DTNA: variants seen among roughly 807,000 people sequenced by gnomAD.
DTNA encodes dystrophin-related protein 3.
In DTNA, 43 loss-of-function variants were observed where a neutral mutation model predicts 100.7. The ratio of observed to expected loss-of-function variants is 0.43; its 90% CI spans 0.33 to 0.55. The LOEUF (loss-of-function observed/expected upper bound fraction) is 0.55. Ranked by LOEUF, DTNA falls within the 20% of genes least tolerant of loss-of-function variation. The pLI is 0.04. For missense variants in DTNA, 798 were observed against 953.9 expected (o/e 0.84, Z 2.15); for synonymous variants, 349 against 347.9 (o/e 1.00, Z -0.04).
chr18:34,678,574 T>C (rs563408924), intron 1 of DTNA, among the ~76,000 whole-genome samples: 2 of 152,242 alleles, frequency 1.3e-5, no homozygotes, highest in Middle Eastern at 3.4e-3. Flanking sequence ...TTTTTGCTGC[T>C]TCAAGCCATC....
At chr18:34,803,761 T>C (rs1255722313) in intron 4 of DTNA, among the ~76,000 whole-genome samples, 2 of 152,208 alleles carry the variant, frequency 1.3e-5, no homozygotes, top group African/African-American at 4.8e-5. Context: ...GGAATGCTTT[T>C]GAATAGGCTG....
chr18:34,890,226 G>C lies in DTNA; in HGVS notation c.*2492G>C, dbSNP rs969714372. ...ATGGTTGTTGATATCGTCATATAAA[G>C]CCATTGCAAGGACTCTGGAAACTGC... On this transcript the variant is annotated 3_prime_UTR_variant, in exon 23 of 23. Coordinates refer to ENST00000444659, the MANE Select transcript of DTNA (RefSeq NM_001386795.1). 6 of 1,486,392 alleles carry C rather than the reference G, an allele frequency of 4.0e-6. No homozygotes were observed. In the South Asian group the frequency reaches 5.4e-5, roughly 13 times the overall value. The allele number at this position is 1,486,392 out of a possible 1,614,324, so 92.1% of individuals were successfully genotyped here. A position where few individuals can be genotyped will look rare whatever the true frequency, so the allele number is the denominator to read the frequency against.
At chr18:34,755,938 G>T (rs370077948) in intron 1 of DTNA, 38 bp from the exon 2 acceptor site, 11 of 1,573,576 alleles carry the variant, frequency 7.0e-6, no homozygotes, top group Non-Finnish European at 9.6e-6. Context: ...CCTCAATAGC[G>T]TGAGGATAAT....
rs75982912 is a variant in DTNA, at chr18:34,638,079, T to A, written c.-1-117897T>A. ...TGATTACTACGTAGCCTCCTTTAGCTAGAAATTAAATGAAGTAATGGATAC... is the reference window on the plus strand; with the variant it reads ...TGATTACTACGTAGCCTCCTTTAGCAAGAAATTAAATGAAGTAATGGATAC... On this transcript the variant is annotated intron_variant, in intron 1 of 19. Coordinates refer to the DTNA transcript ENST00000283365. Among the ~76,000 whole-genome samples the A allele has an allele frequency of 5.0e-3, 760 of 152,320 alleles. 6 individuals are homozygous for A. Among genetic ancestry groups the A allele is most frequent in the African/African-American group, 0.017 (724 of 41,576 alleles).
intron 1 of DTNA, among the ~76,000 whole-genome samples, chr18:34,528,929 T>C (rs2042894934): frequency 6.6e-6 from 1 of 152,086 alleles, no homozygotes; most frequent in South Asian, 2.1e-4. Context: ...AGGTTGTAAA[T>C]GTTACAGATT....
intron 1 of DTNA, among the ~76,000 whole-genome samples, chr18:34,645,912 C>A (rs1177210179): frequency 6.6e-6 from 1 of 152,114 alleles, no homozygotes; most frequent in Non-Finnish European, 1.5e-5. Context: ...TCTCCATCAC[C>A]TATTCTCCTA....
chr18:34,610,186 A>G (rs1197334082), intron 1 of DTNA, among the ~76,000 whole-genome samples: 1 of 152,196 alleles, frequency 6.6e-6, no homozygotes, highest in Non-Finnish European at 1.5e-5. Context: ...AGTTTGTCCT[A>G]TTCTTACAAC....
chr18:34,501,995 A>G (rs550951265), intron 1 of DTNA, among the ~76,000 whole-genome samples: 11 of 152,228 alleles, frequency 7.2e-5, no homozygotes, highest in African/African-American at 1.2e-4. Flanking sequence ...TAAAAGTCCT[A>G]TCTCTAATAG....
intron 1 of DTNA, among the ~76,000 whole-genome samples, chr18:34,605,011 G>GTT (rs146975151): frequency 3.3e-5 from 5 of 150,236 alleles, no homozygotes; most frequent in Non-Finnish European, 5.9e-5. Flanking sequence ...TTTGTCTTTT[G>GTT]TTTTTTTTAA....
At chr18:34,822,705 G>A (rs983946120) in intron 9 of DTNA, 1 of 153,650 alleles carries the variant, frequency 6.5e-6, no homozygotes, top group Non-Finnish European at 1.5e-5. Context: ...TTAATTGGCT[G>A]AGTAATAATT....
chr18:34,835,091 T>C (rs1280176792), intron 11 of DTNA, among the ~76,000 whole-genome samples: 1 of 152,180 alleles, frequency 6.6e-6, no homozygotes, highest in Non-Finnish European at 1.5e-5. Context: ...GTTTTCATCA[T>C]GCATTTGGCC....
At chr18:34,528,477 C>CAT (rs928485525) in intron 1 of DTNA, among the ~76,000 whole-genome samples, 13 of 151,888 alleles carry the variant, frequency 8.6e-5, no homozygotes, top group South Asian at 4.1e-4. Flanking sequence ...TTCAGCAATG[C>CAT]ATATATATAT....
Position 34,884,774 on chromosome 18 carries a change from CAAGT to C in DTNA, c.*31+4_*31+7del. The C allele has an allele frequency of 6.2e-7, 1 of 1,614,032 alleles. No individual in the cohort carries two copies. Among genetic ancestry groups the C allele is most frequent in the Non-Finnish European group, 8.5e-7 (1 of 1,179,906 alleles). On this transcript the variant is annotated splice_donor_variant and 3_prime_UTR_variant, in exon 22 of 23. Transcript: ENST00000444659. LOFTEE classifies it low-confidence loss of function (3UTR_SPLICE). Reference sequence around the variant, plus strand: ...CAATATCCTTTTATCACACTCCTCTCAAGTAAGTACCATCTTATTTAGGAGGAAT... The same window carrying C: ...CAATATCCTTTTATCACACTCCTCTCAAGTACCATCTTATTTAGGAGGAAT...
chr18:34,506,927 T>C (rs1421579102), intron 1 of DTNA, among the ~76,000 whole-genome samples: 3 of 152,186 alleles, frequency 2.0e-5, no homozygotes, highest in Non-Finnish European at 4.4e-5. Flanking sequence ...ATATGTTTTA[T>C]GCAAGCATAA....
chr18:34,728,112 GT>G (rs1180251305), intron 1 of DTNA, among the ~76,000 whole-genome samples: 1 of 152,168 alleles, frequency 6.6e-6, no homozygotes, highest in Non-Finnish European at 1.5e-5. Flanking sequence ...TAAGTTAAAA[GT>G]GAGAATTTGA....
intron 1 of DTNA, among the ~76,000 whole-genome samples, chr18:34,628,232 C>G (rs748339351): frequency 3.3e-5 from 5 of 152,352 alleles, no homozygotes; most frequent in Admixed American, 6.5e-5. Flanking sequence ...TGCATTCCCT[C>G]TCTGCTAACC....
At chr18:34,848,178 G>A in intron 13 of DTNA, 118 bp from the exon 14 acceptor site, 1 of 877,558 alleles carries the variant, frequency 1.1e-6, no homozygotes, top group Non-Finnish European at 1.9e-6. Context: ...AGGGTTTTGT[G>A]TAGTTTGCAA....
At chr18:34,696,963 G>T (rs1438835385) in intron 1 of DTNA, among the ~76,000 whole-genome samples, 1 of 152,166 alleles carries the variant, frequency 6.6e-6, no homozygotes, top group Non-Finnish European at 1.5e-5. Flanking sequence ...AGGCATTTTT[G>T]ATTGATGCCT....
chr18:34,620,729 G>A (rs1303928511), intron 1 of DTNA, among the ~76,000 whole-genome samples: 2 of 152,136 alleles, frequency 1.3e-5, no homozygotes, highest in Non-Finnish European at 2.9e-5. Flanking sequence ...CAGATCTCAT[G>A]AGAACAGCAC....
Sources: gnomAD v4.1 joint callset for allele counts (sites outside exome capture counted in the v4.1 genomes callset) on GRCh38, gnomAD v4.1.1 for gene constraint, MANE v1.5 for transcripts, NCBI Gene and HGNC (gene_info 2026-07-23, HGNC 2026-07-21) for gene names.